Variants in NALF1 observed in about 807,000 individuals in gnomAD.
The protein encoded by NALF1 is NALCN channel auxiliary factor 1, also known as family with sequence similarity 155 member A.
In NALF1, 3 loss-of-function variants were observed where a neutral mutation model predicts 48.4. The ratio of observed to expected loss-of-function variants is 0.06; its 90% CI spans 0.03 to 0.16. The LOEUF (loss-of-function observed/expected upper bound fraction) is 0.16, where lower values mean the gene tolerates loss of function less well. Among genes scored for constraint, NALF1 ranks in the 10% least tolerant of loss-of-function variants. NALF1 has a pLI of 1.00. For synonymous variants in NALF1, 262 were observed against 245.7 expected (o/e 1.07, Z -0.62); for missense variants, 526 against 571.5 (o/e 0.92, Z 0.81).
chr13:107,850,871 C>G (rs1880294461), intron 1 of NALF1, among the ~76,000 whole-genome samples: 2 of 151,822 alleles, frequency 1.3e-5, no homozygotes, highest in Admixed American at 6.6e-5. Context: ...CTCCTGCACT[C>G]CAGCCTGGAT....
At chr13:107,515,535 G>A (rs1260589864) in intron 1 of NALF1, among the ~76,000 whole-genome samples, 2 of 152,138 alleles carry the variant, frequency 1.3e-5, no homozygotes, top group African/African-American at 4.8e-5. Flanking sequence ...AGTTTCATGA[G>A]GAATAAACAC....
chr13:107,621,601 G>C (rs985878031), intron 1 of NALF1, among the ~76,000 whole-genome samples: 1 of 152,172 alleles, frequency 6.6e-6, no homozygotes, highest in African/African-American at 2.4e-5. Context: ...TCTACTATAG[G>C]TGTTATTACT....
chr13:107,692,641 T>C (rs1182097042), intron 1 of NALF1, among the ~76,000 whole-genome samples: 1 of 152,172 alleles, frequency 6.6e-6, no homozygotes, highest in Non-Finnish European at 1.5e-5. Context: ...CATAATCAAA[T>C]AAAAATGTGA....
At chr13:107,633,633 C>T (rs537933283) in intron 1 of NALF1, among the ~76,000 whole-genome samples, 202 of 151,382 alleles carry the variant, frequency 1.3e-3, no homozygotes, top group Admixed American at 0.013. Context: ...TTTATTTCCT[C>T]TTTATTAATA....
At chr13:107,348,294 T>C (rs1489083210) in intron 1 of NALF1, among the ~76,000 whole-genome samples, 6 of 152,192 alleles carry the variant, frequency 3.9e-5, no homozygotes, top group Non-Finnish European at 8.8e-5. Context: ...AATTATTGGA[T>C]TTTTTTAAAG....
intron 1 of NALF1, among the ~76,000 whole-genome samples, chr13:107,505,054 A>G (rs1875650127): frequency 6.6e-6 from 1 of 151,966 alleles, no homozygotes; most frequent in South Asian, 2.1e-4. Flanking sequence ...AAGAAGCAGT[A>G]AAGGCTATGG....
intron 1 of NALF1, among the ~76,000 whole-genome samples, chr13:107,267,894 G>A (rs560613544): frequency 5.3e-5 from 8 of 152,016 alleles, no homozygotes; most frequent in Non-Finnish European, 1.0e-4. Flanking sequence ...TTCACGTCTC[G>A]GGCAGGACAG....
At position 107,553,697 on chromosome 13, in the gene NALF1, C is replaced by T. The variant is rs549519973; in HGVS notation, c.915+311985G>A. ...TTAAGCTTCATTAATTTATAGATAC[C>T]TTATGGATATACTACAGCAAATAAT... is the stretch of plus-strand genomic sequence containing the variant. On this transcript the variant is annotated intron_variant, in intron 1 of 2. Transcript: ENST00000375915. Among the ~76,000 whole-genome samples the T allele has an allele frequency of 5.3e-5, 8 of 152,142 alleles. No individual in the cohort carries two copies. In the East Asian group the frequency reaches 1.5e-3, roughly 29 times the overall value.
chr13:107,223,275 C>T (rs907818244), intron 1 of NALF1, among the ~76,000 whole-genome samples: 2 of 152,050 alleles, frequency 1.3e-5, no homozygotes, highest in Non-Finnish European at 2.9e-5. Context: ...TGTATACATA[C>T]ACACACATAT....
intron 1 of NALF1, among the ~76,000 whole-genome samples, chr13:107,494,714 A>T (rs780618477): frequency 6.7e-6 from 1 of 150,334 alleles, no homozygotes. Context: ...ATAGCATGAC[A>T]GTGTTTCCTA....
Position 107,539,660 on chromosome 13 carries a change from C to T in NALF1, c.915+326022G>A, listed in dbSNP as rs532146683. Among the ~76,000 whole-genome samples the T allele has an allele frequency of 6.2e-4, 95 of 152,146 alleles. 1 individual carries two copies. The highest frequency in any genetic ancestry group is 2.1e-3 in the African/African-American group (89 of 41,532). On this transcript the variant is annotated intron_variant, in intron 1 of 2. Transcript: ENST00000375915. ...TAATATTCTGAAATAGTATAAAATA[C>T]ACAAAATATTTTATATAGAGTTAAT...
At chr13:107,293,086 T>C (rs1238135104) in intron 1 of NALF1, among the ~76,000 whole-genome samples, 1 of 150,530 alleles carries the variant, frequency 6.6e-6, no homozygotes, top group Non-Finnish European at 1.5e-5. Context: ...GTTCACGCTA[T>C]TCTCTTGCCT....
intron 1 of NALF1, among the ~76,000 whole-genome samples, chr13:107,816,315 C>A (rs1237844040): frequency 6.6e-6 from 1 of 152,104 alleles, no homozygotes; most frequent in African/African-American, 2.4e-5. Context: ...AAGACATATA[C>A]GAGGCTGCGA....
At chr13:107,533,759 G>A (rs1471697668) in intron 1 of NALF1, among the ~76,000 whole-genome samples, 1 of 152,102 alleles carries the variant, frequency 6.6e-6, no homozygotes, top group African/African-American at 2.4e-5. Context: ...TCTGTCTTTT[G>A]TTGAGGGTCT....
rs147495214 is a variant in NALF1, at chr13:107,852,940, T to C, written c.915+12742A>G. ...TCATTTTGCGGTTTTCCTGGCTTAT[T>C]TGCAGCATCCTTTCAGCCACTTCAT... On this transcript the variant is annotated intron_variant, in intron 1 of 2. Transcript: ENST00000375915. 1.6e-4 allele frequency among the ~76,000 whole-genome samples: 25 copies of C among 152,254 alleles called. No homozygotes were observed. In the East Asian group the frequency reaches 4.3e-3, roughly 26 times the overall value.
rs571482744 is a variant in NALF1 at position 107,843,969 on chromosome 13, ATTGAG to A, written c.915+21708_915+21712del. ...ATACAGTGTTGCAAAAGTAGGTTTC[ATTGAG>A]TTATTTCCACTCAGTACTGAAGCAT... is the stretch of plus-strand genomic sequence containing the variant. On this transcript the variant is annotated intron_variant, in intron 1 of 2. Coordinates refer to ENST00000375915, the MANE Select transcript of NALF1 (RefSeq NM_001080396.3). Among the ~76,000 whole-genome samples the A allele has an allele frequency of 1.1e-4, 17 of 152,266 alleles. No homozygotes were observed. In the East Asian group the frequency reaches 3.3e-3, roughly 29 times the overall value.
intron 1 of NALF1, among the ~76,000 whole-genome samples, chr13:107,361,512 T>A (rs1464613879): frequency 1.3e-5 from 2 of 152,022 alleles, no homozygotes; most frequent in Non-Finnish European, 2.9e-5. Context: ...AATCCAGATT[T>A]ATGGATCTGG....
intron 1 of NALF1, among the ~76,000 whole-genome samples, chr13:107,792,707 C>T (rs964416595): frequency 6.6e-6 from 1 of 152,114 alleles, no homozygotes; most frequent in African/African-American, 2.4e-5. Flanking sequence ...GAGTGAAACA[C>T]TTATGTAACA....
At chr13:107,325,557 G>A (rs943391802) in intron 1 of NALF1, among the ~76,000 whole-genome samples, 1 of 151,918 alleles carries the variant, frequency 6.6e-6, no homozygotes, top group Non-Finnish European at 1.5e-5. Flanking sequence ...ATATAATCTG[G>A]CTGGGTGCAG....
Sources: gnomAD v4.1 joint callset for allele counts (sites outside exome capture counted in the v4.1 genomes callset) on GRCh38, gnomAD v4.1.1 for gene constraint, MANE v1.5 for transcripts, NCBI Gene and HGNC (gene_info 2026-07-23, HGNC 2026-07-21) for gene names.